The following SAMD5 variants were observed in gnomAD, a reference collection of about 807,000 sequenced individuals.
SAMD5 encodes the protein sterile alpha motif domain-containing protein 5.
SAMD5 carries 13 observed loss-of-function variants against 11.3 expected under a neutral mutation model. The ratio of observed to expected loss-of-function variants is 1.15; its 90% CI spans 0.75 to 1.83. SAMD5 has a LOEUF of 1.83. SAMD5 is among the 40% of genes most tolerant of loss of function. The pLI is 0.00. For synonymous variants in SAMD5, 129 were observed against 111.3 expected, an observed-to-expected ratio of 1.16 and a Z score of -1.00; for missense variants, 255 against 239.1, an observed-to-expected ratio of 1.07 and a Z score of -0.44.
intron 1 of SAMD5, among the ~76,000 whole-genome samples, chr6:147,510,662 C>G (rs1562309164): frequency 6.6e-6 from 1 of 152,180 alleles, no homozygotes; most frequent in Non-Finnish European, 1.5e-5. Flanking sequence ...ATAACAATAC[C>G]TAAGGTAGAT....
intron 1 of SAMD5, among the ~76,000 whole-genome samples, chr6:147,626,439 CTA>C (rs1790051480): frequency 6.7e-6 from 1 of 150,284 alleles, no homozygotes; most frequent in African/African-American, 2.4e-5. Context: ...ATTTTCTGAT[CTA>C]TGTTTTTGTA....
At chr6:147,877,576 A>C in the SAMD5 span, among the ~76,000 whole-genome samples, 1 of 152,176 alleles carries the variant, frequency 6.6e-6, no homozygotes, top group East Asian at 1.9e-4. Context: ...GTTACACAAC[A>C]GTCTAGGTGT....
At chr6:147,916,899 T>C in the SAMD5 span, among the ~76,000 whole-genome samples, 17 of 150,916 alleles carry the variant, frequency 1.1e-4, no homozygotes, top group Non-Finnish European at 2.4e-4. Flanking sequence ...TCATTTTTTA[T>C]GGCTGCGTAG....
At chr6:147,879,898 G>A in the SAMD5 span, among the ~76,000 whole-genome samples, 1 of 152,128 alleles carries the variant, frequency 6.6e-6, no homozygotes, top group East Asian at 1.9e-4. Flanking sequence ...GCACAACACG[G>A]ACCTGATGAG....
At chr6:147,866,788 T>G in the SAMD5 span, among the ~76,000 whole-genome samples, 1 of 152,114 alleles carries the variant, frequency 6.6e-6, no homozygotes, top group African/African-American at 2.4e-5. Flanking sequence ...TAAAATCGTT[T>G]TAAAAGAATA....
At chr6:147,559,498 G>C (rs1271325557) in intron 1 of SAMD5, among the ~76,000 whole-genome samples, 1 of 152,192 alleles carries the variant, frequency 6.6e-6, no homozygotes, top group Non-Finnish European at 1.5e-5. Context: ...ATGAAGGTTA[G>C]AAACCGTGTA....
At chr6:147,731,514 T>G (rs1389670526) in intron 1 of SAMD5, among the ~76,000 whole-genome samples, 1 of 152,132 alleles carries the variant, frequency 6.6e-6, no homozygotes, top group Non-Finnish European at 1.5e-5. Flanking sequence ...ACTTTGAAAA[T>G]CTATTTCCTT....
In SAMD5 at chr6:147,569,273, T is replaced by C. The variant is rs1789097535; in HGVS notation, c.*4817T>C. 2.6e-6 allele frequency: 1 copy of C among 379,218 alleles called. No homozygotes were observed. Among genetic ancestry groups the C allele is most frequent in the Admixed American group, 6.5e-5 (1 of 15,450 alleles). The allele number at this position is 379,218 out of a possible 1,614,324, so 23.5% of individuals were successfully genotyped here. ...GAAAAATTGAAGAACATAACTTTTC[T>C]ACTTATGAAATAGATAATTTTTTAA... On this transcript the variant is annotated 3_prime_UTR_variant, in exon 2 of 2. Coordinates refer to ENST00000367474, the MANE Select transcript of SAMD5 (RefSeq NM_001030060.3).
At chr6:147,627,705 A>G (rs1790080166) in intron 1 of SAMD5, among the ~76,000 whole-genome samples, 1 of 152,092 alleles carries the variant, frequency 6.6e-6, no homozygotes. Flanking sequence ...CCCAGTCTAG[A>G]TTTTTGCAGT....
At chr6:147,676,815 A>G (rs983796886) in intron 1 of SAMD5, among the ~76,000 whole-genome samples, 1 of 138,744 alleles carries the variant, frequency 7.2e-6, no homozygotes, top group Non-Finnish European at 1.6e-5. Context: ...TCTAAGGAGG[A>G]AAGAGTGGCC....
chr6:147,544,177 A>T (rs1788650313), intron 1 of SAMD5, among the ~76,000 whole-genome samples: 1 of 152,196 alleles, frequency 6.6e-6, no homozygotes. Flanking sequence ...GCATTGCATG[A>T]TCAGCTGTAT....
At chr6:147,800,604 G>A in the SAMD5 span, among the ~76,000 whole-genome samples, 2 of 152,222 alleles carry the variant, frequency 1.3e-5, no homozygotes, top group African/African-American at 2.4e-5. Flanking sequence ...CACCCAGTTC[G>A]AGCTTCCCGG....
At chr6:147,923,017 T>G in the SAMD5 span, among the ~76,000 whole-genome samples, 1 of 152,036 alleles carries the variant, frequency 6.6e-6, no homozygotes, top group Non-Finnish European at 1.5e-5. Context: ...GCGAATAACA[T>G]TTCCATTAGC....
chr6:147,554,531 A>C (rs1010365840), intron 1 of SAMD5, among the ~76,000 whole-genome samples: 2 of 152,218 alleles, frequency 1.3e-5, no homozygotes, highest in Admixed American at 1.3e-4. Context: ...TTGCTGGGTC[A>C]CTTCAAAAGC....
chr6:147,566,285 ATCT>A lies in SAMD5; in HGVS notation c.*1831_*1833del, dbSNP rs1236913777. 3.1e-6 allele frequency: 3 copies of A among 971,858 alleles called. No individual in the cohort carries two copies. Among genetic ancestry groups the A allele is most frequent in the Non-Finnish European group, 3.7e-6 (3 of 818,190 alleles). The allele number at this position is 971,858 out of a possible 1,614,324, so 60.2% of individuals were successfully genotyped here. On this transcript the variant is annotated 3_prime_UTR_variant, in exon 2 of 2. Transcript: ENST00000367474. ...AGGATTATATTCCAGTTAACCTTTC[ATCT>A]TTTTTTTTTTTCCAAATGAACTAGG...
chr6:147,887,447 C>T, the SAMD5 span, among the ~76,000 whole-genome samples: 3 of 152,214 alleles, frequency 2.0e-5, no homozygotes, highest in East Asian at 1.9e-4. Context: ...GCTTCTTTCA[C>T]TCATCCATTG....
At chr6:147,893,483 T>TGGGACC in the SAMD5 span, among the ~76,000 whole-genome samples, 1 of 152,180 alleles carries the variant, frequency 6.6e-6, no homozygotes, top group Non-Finnish European at 1.5e-5. Context: ...GAATATAATG[T>TGGGACC]ACAGGATTGT....
chr6:147,753,446 A>G, the SAMD5 span, among the ~76,000 whole-genome samples: 2 of 152,210 alleles, frequency 1.3e-5, no homozygotes, highest in Non-Finnish European at 2.9e-5. Flanking sequence ...GTAGGTGTAC[A>G]TATTTTATGG....
At chr6:147,810,557 A>G in the SAMD5 span, among the ~76,000 whole-genome samples, 1 of 152,150 alleles carries the variant, frequency 6.6e-6, no homozygotes, top group Non-Finnish European at 1.5e-5. Context: ...ATGGTAGAAA[A>G]GCCAGGAAAG....
Sources: allele counts gnomAD v4.1 joint callset (sites outside exome capture counted in the v4.1 genomes callset), GRCh38; gene constraint gnomAD v4.1.1; transcripts MANE v1.5; gene names NCBI Gene and HGNC (gene_info 2026-07-23, HGNC 2026-07-21).